Variants in CACNA2D3 observed in about 807,000 individuals in gnomAD.
CACNA2D3 encodes the protein voltage-dependent calcium channel subunit alpha-2/delta-3.
A neutral mutation model predicts 160.6 loss-of-function variants in CACNA2D3; 60 were observed. The ratio of observed to expected loss-of-function variants is 0.37; its 90% CI spans 0.30 to 0.46. The LOEUF (loss-of-function observed/expected upper bound fraction) is 0.46, where lower values mean the gene tolerates loss of function less well. CACNA2D3 is among the 20% of genes least tolerant of loss of function. The probability of loss-of-function intolerance (pLI) is 1.00; values close to 1 mark genes in which losing one functional copy is unlikely to be tolerated. For synonymous variants in CACNA2D3, 558 were observed against 492.9 expected (o/e 1.13, Z -1.75); for missense variants, 1,205 against 1,365.0 (o/e 0.88, Z 1.85).
intron 9 of CACNA2D3, among the ~76,000 whole-genome samples, chr3:54,584,293 T>G (rs1170835213): frequency 6.6e-6 from 1 of 152,214 alleles, no homozygotes; most frequent in Non-Finnish European, 1.5e-5. Flanking sequence ...TTAGGAATTC[T>G]CTTGCAACAA....
rs1317083262 is a variant in CACNA2D3, at chr3:54,822,777, T to TC, written c.1398+5908dup. ...TTCTTTCTTTCTTTCTTTCTTTCTT[T>TC]CTTTCTTTCTTTCCTTTCTTTCTTT... On this transcript the variant is annotated intron_variant, in intron 14 of 37. Transcript: ENST00000474759. Among the ~76,000 whole-genome samples the TC allele has an allele frequency of 2.7e-3, 233 of 86,430 alleles. 1 individual carries two copies. The highest frequency in any genetic ancestry group is 0.022 in the Middle Eastern group (4 of 186). 56.7% of individuals were successfully genotyped at this position (86,430 alleles called of 152,430 possible).
intron 35 of CACNA2D3, among the ~76,000 whole-genome samples, chr3:55,050,044 T>C (rs1704157144): frequency 2.6e-5 from 4 of 151,678 alleles, no homozygotes; most frequent in Admixed American, 2.6e-4. Context: ...TGATGGGTCT[T>C]GACTCTTTAT....
intron 4 of CACNA2D3, among the ~76,000 whole-genome samples, chr3:54,502,483 G>T (rs1204134740): frequency 6.6e-6 from 1 of 152,070 alleles, no homozygotes; most frequent in Non-Finnish European, 1.5e-5. Flanking sequence ...TTCTTTCATA[G>T]AATATCCACC....
chr3:54,915,436 T>G, intron 27 of CACNA2D3, among the ~76,000 whole-genome samples: 1 of 152,206 alleles, frequency 6.6e-6, no homozygotes, highest in East Asian at 1.9e-4. Context: ...ACACTAAACG[T>G]GATTTTTGTC....
At chr3:54,839,490 G>T (rs1262247060) in intron 16 of CACNA2D3, among the ~76,000 whole-genome samples, 1 of 152,104 alleles carries the variant, frequency 6.6e-6, no homozygotes. Flanking sequence ...TTCACTGGAC[G>T]AAGGGCTCCA....
At chr3:54,258,546 C>G (rs2107436481) in intron 2 of CACNA2D3, among the ~76,000 whole-genome samples, 1 of 152,284 alleles carries the variant, frequency 6.6e-6, no homozygotes, top group African/African-American at 2.4e-5. Context: ...TGACTTCAAC[C>G]CAGCTCATGA....
rs1208474528 is a variant in CACNA2D3 at position 54,893,346 on chromosome 3, TCTATTC to T, written c.2246+1897_2246+1902del. Among the ~76,000 whole-genome samples, 6 of 152,294 alleles carry T rather than the reference TCTATTC, an allele frequency of 3.9e-5. No individual in the cohort carries two copies. The East Asian group carries it at 1.2e-3, about 29-fold the overall frequency. On this transcript the variant is annotated intron_variant, in intron 25 of 37. Coordinates refer to ENST00000474759, the MANE Select transcript of CACNA2D3 (RefSeq NM_018398.3). Reference sequence around the variant, plus strand: ...GCTAAAAATTCCTACAACTGTGTGTTCTATTCTTTGTGGCATTACGTGACCCACAGA... The same window carrying T: ...GCTAAAAATTCCTACAACTGTGTGTTTTTGTGGCATTACGTGACCCACAGA...
At chr3:54,766,484 A>G (rs915524212) in intron 13 of CACNA2D3, among the ~76,000 whole-genome samples, 6 of 152,206 alleles carry the variant, frequency 3.9e-5, no homozygotes, top group African/African-American at 9.6e-5. Flanking sequence ...TGGTGAGGCT[A>G]TGGGAAAAGG....
chr3:54,653,166 A>G (rs905031170), intron 11 of CACNA2D3, among the ~76,000 whole-genome samples: 1 of 152,162 alleles, frequency 6.6e-6, no homozygotes, highest in Admixed American at 6.5e-5. Context: ...TTGTCCTAGG[A>G]GACATGGACT....
chr3:54,274,220 AT>A (rs1702686133), intron 2 of CACNA2D3, among the ~76,000 whole-genome samples: 2 of 152,016 alleles, frequency 1.3e-5, no homozygotes, highest in Non-Finnish European at 2.9e-5. Flanking sequence ...CTATGCATAT[AT>A]ATATATATAA....
chr3:54,194,059 C>T (rs1044520418), intron 2 of CACNA2D3, among the ~76,000 whole-genome samples: 7 of 150,884 alleles, frequency 4.6e-5, no homozygotes, highest in South Asian at 4.2e-4. Context: ...ATGGTAGATA[C>T]GAGGGGGCGG....
At chr3:54,287,218 A>C (rs2107471381) in intron 2 of CACNA2D3, among the ~76,000 whole-genome samples, 1 of 152,332 alleles carries the variant, frequency 6.6e-6, no homozygotes, top group African/African-American at 2.4e-5. Flanking sequence ...GCTCAAAATA[A>C]AGGGACGGAG....
rs371570902 is a variant in CACNA2D3 at position 54,877,784 on chromosome 3, T to C, written c.1711-1234T>C. Among the ~76,000 whole-genome samples the C allele has an allele frequency of 2.0e-4, 31 of 152,160 alleles. No individual in the cohort carries two copies. The East Asian group carries it at 2.3e-3, about 11-fold the overall frequency. ...GACACAGCGAGGCTTACCTAATCTC[T>C]AGTTTGCCTGGGGAATGTGAGAGGA... On this transcript the variant is annotated intron_variant, in intron 18 of 37. Coordinates refer to ENST00000474759, the MANE Select transcript of CACNA2D3 (RefSeq NM_018398.3).
intron 3 of CACNA2D3, among the ~76,000 whole-genome samples, chr3:54,340,915 C>G (rs560387454): frequency 6.6e-6 from 1 of 152,310 alleles, no homozygotes; most frequent in South Asian, 2.1e-4. Flanking sequence ...GAGGTCAGAG[C>G]TGCTCTGGTC....
chr3:54,570,132 G>A, intron 8 of CACNA2D3, 28 bp downstream of exon 8: 1 of 1,604,368 alleles, frequency 6.2e-7, no homozygotes, highest in East Asian at 2.2e-5. Flanking sequence ...TGCCTTCTTT[G>A]CACTTGGGTT....
chr3:54,898,605 A>C (rs1700254245), intron 26 of CACNA2D3, among the ~76,000 whole-genome samples: 1 of 152,230 alleles, frequency 6.6e-6, no homozygotes, highest in Admixed American at 6.5e-5. Context: ...ATGAATAATA[A>C]CATTGTCTTC....
chr3:54,444,174 A>C (rs893580539), intron 4 of CACNA2D3, among the ~76,000 whole-genome samples: 1 of 152,192 alleles, frequency 6.6e-6, no homozygotes, highest in African/African-American at 2.4e-5. Context: ...CAAGGTGCCC[A>C]GCTGTCTCCT....
At chr3:54,972,651 A>G (rs1223518868) in intron 29 of CACNA2D3, among the ~76,000 whole-genome samples, 1 of 151,998 alleles carries the variant, frequency 6.6e-6, no homozygotes, top group Non-Finnish European at 1.5e-5. Context: ...TTGTCTCCCC[A>G]GTCAATGCAC....
At chr3:54,829,683 A>T (rs1477255670) in intron 14 of CACNA2D3, among the ~76,000 whole-genome samples, 1 of 151,890 alleles carries the variant, frequency 6.6e-6, no homozygotes, top group Non-Finnish European at 1.5e-5. Flanking sequence ...TAACCCTATT[A>T]TGTGCTACCC....
Sources: gnomAD v4.1 joint callset for allele counts (sites outside exome capture counted in the v4.1 genomes callset) on GRCh38, gnomAD v4.1.1 for gene constraint, MANE v1.5 for transcripts, NCBI Gene and HGNC (gene_info 2026-07-23, HGNC 2026-07-21) for gene names.